Variants in RBFOX1 observed in about 807,000 individuals in gnomAD.
RBFOX1 encodes the protein RNA binding fox-1 homolog 1, also known as RNA binding protein fox-1 homolog 1.
Under a neutral mutation model 57.7 loss-of-function variants are expected in RBFOX1, and 8 were observed. The ratio of observed to expected loss-of-function variants is 0.14; its 90% CI spans 0.08 to 0.25. The LOEUF (loss-of-function observed/expected upper bound fraction) is 0.25. Ranked by LOEUF, RBFOX1 falls within the 10% of genes least tolerant of loss-of-function variation. The pLI, the probability that RBFOX1 is intolerant of heterozygous loss-of-function variation, is 1.00. For synonymous variants in RBFOX1, 326 were observed against 222.4 expected, an observed-to-expected ratio of 1.47 and a Z score of -4.15; for missense variants, 611 against 548.5, an observed-to-expected ratio of 1.11 and a Z score of -1.14.
chr16:6,660,445 A>C (rs985726451), intron 3 of RBFOX1, among the ~76,000 whole-genome samples: 5 of 152,124 alleles, frequency 3.3e-5, no homozygotes, highest in South Asian at 2.1e-4. Context: ...TTAGTAGCTC[A>C]GACAAATTAA....
At chr16:6,612,829 G>C (rs1452995600) in intron 2 of RBFOX1, among the ~76,000 whole-genome samples, 2 of 139,128 alleles carry the variant, frequency 1.4e-5, no homozygotes, top group Non-Finnish European at 3.0e-5. Flanking sequence ...TCCAGCCTGG[G>C]AGACAGTGAG....
intron 2 of RBFOX1, among the ~76,000 whole-genome samples, chr16:6,319,016 G>T (rs2081440630): frequency 6.6e-6 from 1 of 151,952 alleles, no homozygotes; most frequent in Non-Finnish European, 1.5e-5. Context: ...GACGTCGCCT[G>T]GTTATCAGGA....
In RBFOX1 at chr16:6,649,731, T is replaced by C. The variant is rs930578456; in HGVS notation, c.-63-4872T>C. 2.6e-5 allele frequency among the ~76,000 whole-genome samples: 4 copies of C among 152,330 alleles called. No individual in the cohort carries two copies. The Middle Eastern group carries it at 0.014, about 522-fold the overall frequency. ...TATGGCTCAGTAGTATTCCATTATA[T>C]ATGTTGGGGAAGTATTTTATTACAT... On this transcript the variant is annotated intron_variant, in intron 2 of 15. Coordinates refer to ENST00000550418, the MANE Select transcript of RBFOX1 (RefSeq NM_018723.4).
At chr16:6,093,545 G>C (rs2096206016) in intron 1 of RBFOX1, among the ~76,000 whole-genome samples, 1 of 152,182 alleles carries the variant, frequency 6.6e-6, no homozygotes. Context: ...CTTTAATCTT[G>C]TCTACAATTT....
chr16:7,047,157 C>G (rs894468152), intron 3 of RBFOX1, among the ~76,000 whole-genome samples: 2 of 151,676 alleles, frequency 1.3e-5, no homozygotes, highest in African/African-American at 4.8e-5. Flanking sequence ...CCAGCTCTTC[C>G]TTTCTTGTTG....
intron 5 of RBFOX1, among the ~76,000 whole-genome samples, chr16:7,528,243 G>A (rs966133407): frequency 9.2e-5 from 14 of 152,134 alleles, no homozygotes; most frequent in Admixed American, 2.0e-4. Context: ...AAGTTTCATC[G>A]TGACTTTGTC....
chr16:6,391,892 A>T (rs1456121018), intron 2 of RBFOX1, among the ~76,000 whole-genome samples: 1 of 152,236 alleles, frequency 6.6e-6, no homozygotes, highest in Non-Finnish European at 1.5e-5. Flanking sequence ...TAATAAATGC[A>T]TGAACAAAAT....
At chr16:5,463,768 C>G (rs183337981) in intron 1 of RBFOX1, among the ~76,000 whole-genome samples, 2 of 151,206 alleles carry the variant, frequency 1.3e-5, no homozygotes, top group Admixed American at 6.6e-5. Flanking sequence ...CCACTGCACT[C>G]CAGCCTGGGT....
intron 3 of RBFOX1, among the ~76,000 whole-genome samples, chr16:6,741,392 G>C (rs1013389580): frequency 6.6e-6 from 1 of 152,098 alleles, no homozygotes; most frequent in Admixed American, 6.5e-5. Context: ...GCTGGACGGG[G>C]TGGCTCATGC....
In RBFOX1 at chr16:6,347,996, G is replaced by A. The variant is rs147973588; in HGVS notation, c.-64+30939G>A. Among the ~76,000 whole-genome samples the A allele has an allele frequency of 2.4e-4, 37 of 152,302 alleles. 1 individual carries two copies. The highest frequency in any genetic ancestry group is 4.3e-4 in the African/African-American group (18 of 41,570). On this transcript the variant is annotated intron_variant, in intron 2 of 15. Transcript: ENST00000550418. ...AAAGCAGGAAAACAGGCCTTCAGGC[G>A]TGAAAGTGGGTGGTGGAAACCCAGC...
intron 3 of RBFOX1, among the ~76,000 whole-genome samples, chr16:6,922,430 C>A (rs143559232): frequency 6.6e-6 from 1 of 152,220 alleles, no homozygotes; most frequent in Non-Finnish European, 1.5e-5. Context: ...CTGCAGTGAG[C>A]ACTTCCAGGC....
At chr16:7,145,404 A>G (rs961219767) in intron 4 of RBFOX1, among the ~76,000 whole-genome samples, 1 of 152,000 alleles carries the variant, frequency 6.6e-6, no homozygotes, top group African/African-American at 2.4e-5. Context: ...ACGGGGTTTC[A>G]CCATGTTGGC....
At chr16:7,211,203 A>T (rs2091057733) in intron 4 of RBFOX1, among the ~76,000 whole-genome samples, 1 of 151,854 alleles carries the variant, frequency 6.6e-6, no homozygotes, top group Non-Finnish European at 1.5e-5. Flanking sequence ...TGTCCTGGCT[A>T]ACACAGTTAA....
At chr16:5,508,770 G>T (rs1367847061) in intron 2 of RBFOX1, among the ~76,000 whole-genome samples, 2 of 152,194 alleles carry the variant, frequency 1.3e-5, no homozygotes, top group African/African-American at 2.4e-5. Context: ...GGGATCACAG[G>T]GCCAGCTCAC....
At chr16:6,811,433 CAATAT>C (rs1195720318) in intron 3 of RBFOX1, among the ~76,000 whole-genome samples, 9 of 152,248 alleles carry the variant, frequency 5.9e-5, no homozygotes, top group African/African-American at 1.9e-4. Flanking sequence ...GGCTATTATA[CAATAT>C]ATTTTTTTCC....
intron 1 of RBFOX1, among the ~76,000 whole-genome samples, chr16:5,437,759 G>C (rs140146654): frequency 3.3e-5 from 5 of 152,122 alleles, no homozygotes; most frequent in Non-Finnish European, 7.4e-5. Context: ...ATGAGGCTCT[G>C]AGCAATTATT....
intron 12 of RBFOX1, among the ~76,000 whole-genome samples, chr16:7,662,071 A>G (rs1455620568): frequency 1.3e-5 from 2 of 152,194 alleles, no homozygotes; most frequent in East Asian, 1.9e-4. Flanking sequence ...AGCCTCAGCC[A>G]TATCAAAGAA....
chr16:6,748,618 C>T (rs1205218197), intron 3 of RBFOX1, among the ~76,000 whole-genome samples: 3 of 152,132 alleles, frequency 2.0e-5, no homozygotes, highest in Non-Finnish European at 4.4e-5. Flanking sequence ...ATAATTACAC[C>T]ACTGCACTCC....
chr16:5,975,194 C>T (rs7202522), intron 4 of RBFOX1, among the ~76,000 whole-genome samples: 6 of 152,108 alleles, frequency 3.9e-5, no homozygotes, highest in Non-Finnish European at 5.9e-5. Flanking sequence ...GCTGACTCCT[C>T]TTTCTCGATG....
Sources: gnomAD v4.1 joint callset for allele counts (sites outside exome capture counted in the v4.1 genomes callset) on GRCh38, gnomAD v4.1.1 for gene constraint, MANE v1.5 for transcripts, NCBI Gene and HGNC (gene_info 2026-07-23, HGNC 2026-07-21) for gene names.